The following KAT7 variants were observed in gnomAD, a reference collection of about 807,000 sequenced individuals.
KAT7 encodes the protein histone acetyltransferase KAT7.
A neutral mutation model predicts 82.1 loss-of-function variants in KAT7; 10 were observed. The observed-to-expected ratio is 0.12, with a 90% CI of 0.08 to 0.21. The LOEUF is 0.21. KAT7 is among the 10% of genes least tolerant of loss of function. The pLI is 1.00. For synonymous variants in KAT7, 250 were observed against 262.5 expected (o/e 0.95, Z 0.46); for missense variants, 378 against 760.9 (o/e 0.50, Z 5.92).
intron 2 of KAT7, among the ~76,000 whole-genome samples, chr17:49,793,828 C>T (rs925148413): frequency 3.3e-5 from 5 of 152,072 alleles, no homozygotes; most frequent in African/African-American, 4.8e-5. Context: ...GCCTTGGCCT[C>T]CCAAAGTGCT....
intron 5 of KAT7, among the ~76,000 whole-genome samples, chr17:49,807,181 A>G (rs2074101891): frequency 6.6e-6 from 1 of 152,252 alleles, no homozygotes; most frequent in South Asian, 2.1e-4. Flanking sequence ...GGGAGGCAAC[A>G]TAAACCTTCA....
At chr17:49,808,856 C>CA (rs2074126250) in intron 5 of KAT7, among the ~76,000 whole-genome samples, 1 of 152,202 alleles carries the variant, frequency 6.6e-6, no homozygotes, top group African/African-American at 2.4e-5. Flanking sequence ...AGTCCAGGCT[C>CA]AGAGTCATCA....
intron 11 of KAT7, among the ~76,000 whole-genome samples, chr17:49,822,683 A>G (rs1414921309): frequency 1.3e-5 from 2 of 152,226 alleles, no homozygotes; most frequent in African/African-American, 2.4e-5. Context: ...TCCTGAAAAG[A>G]AATTGATAGC....
chr17:49,831,299 G>T lies in KAT7; in HGVS notation c.*3797G>T, dbSNP rs1038867432. The T allele has an allele frequency of 2.6e-5, 4 of 152,180 alleles. No homozygotes were observed. The highest frequency in any genetic ancestry group is 9.7e-5 in the African/African-American group (4 of 41,444). 9.4% of individuals were successfully genotyped at this position (152,180 alleles called of 1,614,324 possible). The stretch of plus-strand genomic sequence containing the variant: ...TCAAAAACAAAAAACAGAATTGATT[G>T]ATGTTAGTTGGCTTTAGAAGCAGCA... On this transcript the variant is annotated 3_prime_UTR_variant, in exon 15 of 15. Transcript: ENST00000259021.
chr17:49,821,535 C>T, intron 10 of KAT7, 109 bp downstream of exon 10: 3 of 1,513,238 alleles, frequency 2.0e-6, no homozygotes, highest in South Asian at 1.1e-5. Flanking sequence ...GAACTCTTCT[C>T]TTGCCAAAAT....
intron 7 of KAT7, among the ~76,000 whole-genome samples, chr17:49,813,409 T>C (rs1300106874): frequency 6.6e-6 from 1 of 152,198 alleles, no homozygotes; most frequent in Non-Finnish European, 1.5e-5. Context: ...TTAGTTTTTT[T>C]CATAGAATTG....
chr17:49,795,317 G>A (rs559699611), intron 2 of KAT7: 1 of 170,824 alleles, frequency 5.9e-6, no homozygotes, highest in South Asian at 1.5e-4. Context: ...GGCTTACACG[G>A]AGGGAATTGA....
At chr17:49,804,310 C>T (rs1404497104) in intron 4 of KAT7, among the ~76,000 whole-genome samples, 1 of 150,542 alleles carries the variant, frequency 6.6e-6, no homozygotes, top group African/African-American at 2.5e-5. Flanking sequence ...ACCCAGGAGG[C>T]GGAACTTGCA....
chr17:49,809,863 G>C lies in KAT7; in HGVS notation c.753+655G>C, dbSNP rs370529972. 9.9e-5 allele frequency among the ~76,000 whole-genome samples: 15 copies of C among 152,256 alleles called. 1 individual carries two copies. The East Asian group carries it at 2.3e-3, about 23-fold the overall frequency. On this transcript the variant is annotated intron_variant, in intron 6 of 14. Transcript: ENST00000259021. ...AATTTTTCCCAAATTCTCTCCCACCGTTAAGGAATTTCTTCCTTATGTATT... is the reference window on the plus strand; with the variant it reads ...AATTTTTCCCAAATTCTCTCCCACCCTTAAGGAATTTCTTCCTTATGTATT...
At position 49,826,121 on chromosome 17, in the gene KAT7, T is replaced by C. The variant is rs2074365913; in HGVS notation, c.1602T>C (p.Phe534=). ...KEVLLRYLHN[F]QGKEISIKEI... ...TACTTCTCCGCTACCTGCATAATTTTCAAGGCAAAGAGATTTCTATCAAAG... is the reference window on the plus strand; with the variant it reads ...TACTTCTCCGCTACCTGCATAATTTCCAAGGCAAAGAGATTTCTATCAAAG... Residue 534 remains phenylalanine, a synonymous_variant, in exon 13 of 15, where the codon TTT becomes TTC. Coordinates refer to ENST00000259021, the MANE Select transcript of KAT7 (RefSeq NM_007067.5). The C allele has an allele frequency of 6.2e-7, 1 of 1,614,090 alleles. No homozygotes were observed. Among genetic ancestry groups the C allele is most frequent in the Non-Finnish European group, 8.5e-7 (1 of 1,179,928 alleles).
intron 10 of KAT7, 63 bp downstream of exon 10, chr17:49,821,489 T>C: frequency 6.5e-7 from 1 of 1,528,240 alleles, no homozygotes. Flanking sequence ...TCAGAAGGCA[T>C]ATGTTTTTTC....
At chr17:49,792,122 C>G (rs969891296) in intron 2 of KAT7, 89 bp downstream of exon 2, 19 of 1,331,834 alleles carry the variant, frequency 1.4e-5, no homozygotes, top group Non-Finnish European at 1.9e-5. Flanking sequence ...GGAAACTGGC[C>G]CCTTGGCTTG....
At chr17:49,815,982 T>G in intron 8 of KAT7, 69 bp downstream of exon 8, 1 of 881,342 alleles carries the variant, frequency 1.1e-6, no homozygotes, top group South Asian at 1.4e-5. Flanking sequence ...GAAAAATGAT[T>G]GCAAATCAGT....
intron 13 of KAT7, 143 bp from the exon 14 acceptor site, chr17:49,826,550 G>A (rs988535842): frequency 3.1e-6 from 2 of 639,600 alleles, no homozygotes; most frequent in Non-Finnish European, 5.7e-6. Context: ...TGAATACTTT[G>A]TAAACTCCTT....
At chr17:49,803,574 G>A (rs998441383) in intron 4 of KAT7, among the ~76,000 whole-genome samples, 153 of 151,950 alleles carry the variant, frequency 1.0e-3, no homozygotes, top group African/African-American at 3.6e-3. Context: ...ACAGGCACCC[G>A]CCACCACACC....
At chr17:49,791,808 C>A in intron 1 of KAT7, 78 bp from the exon 2 acceptor site, 3 of 1,440,770 alleles carry the variant, frequency 2.1e-6, no homozygotes, top group South Asian at 1.2e-5. Context: ...AGTGTCACAG[C>A]TTGTTTTATT....
chr17:49,801,247 CGTG>C (rs1186664457), intron 4 of KAT7, among the ~76,000 whole-genome samples: 2 of 152,102 alleles, frequency 1.3e-5, no homozygotes, highest in African/African-American at 4.8e-5. Context: ...AGTACAGTGG[CGTG>C]GTCACTCACT....
intron 4 of KAT7, among the ~76,000 whole-genome samples, chr17:49,804,182 A>C (rs969289700): frequency 6.6e-6 from 1 of 151,766 alleles, no homozygotes; most frequent in African/African-American, 2.4e-5. Flanking sequence ...GATCGAGACC[A>C]TCCTGGCTAA....
intron 3 of KAT7, 49 bp downstream of exon 3, chr17:49,796,975 A>G (rs1342614022): frequency 2.1e-5 from 32 of 1,545,552 alleles, no homozygotes; most frequent in Non-Finnish European, 2.8e-5. Flanking sequence ...ATCTGGGTGA[A>G]ATTCTTTTTA....
Sources: allele counts gnomAD v4.1 joint callset (sites outside exome capture counted in the v4.1 genomes callset), GRCh38; gene constraint gnomAD v4.1.1; transcripts MANE v1.5; gene names NCBI Gene and HGNC (gene_info 2026-07-23, HGNC 2026-07-21).